The following GPC6 variants were observed in gnomAD, a reference collection of about 807,000 sequenced individuals.
The protein encoded by GPC6 is glypican-6.
Under a neutral mutation model 55.2 loss-of-function variants are expected in GPC6, and 14 were observed. That is an observed-to-expected ratio of 0.25 (90% CI 0.17 to 0.40). GPC6 has a LOEUF of 0.40. GPC6 is among the 10% of genes least tolerant of loss of function. The pLI, the probability that GPC6 is intolerant of heterozygous loss-of-function variation, is 1.00. For synonymous variants in GPC6, 278 were observed against 259.6 expected (o/e 1.07, Z -0.68); for missense variants, 641 against 708.5 (o/e 0.90, Z 1.08).
intron 2 of GPC6, among the ~76,000 whole-genome samples, chr13:93,710,555 T>A (rs1289421718): frequency 6.6e-6 from 1 of 151,778 alleles, no homozygotes; most frequent in Non-Finnish European, 1.5e-5. Context: ...AGCTTCCTCA[T>A]CTCGTCTATT....
chr13:93,340,943 A>C (rs538789126), intron 1 of GPC6, among the ~76,000 whole-genome samples: 72 of 152,102 alleles, frequency 4.7e-4, no homozygotes, highest in African/African-American at 1.6e-3. Flanking sequence ...CCCCCTTCCA[A>C]ATTTCCCCCT....
intron 3 of GPC6, among the ~76,000 whole-genome samples, chr13:93,913,916 T>G (rs763828376): frequency 6.7e-6 from 1 of 149,704 alleles, no homozygotes; most frequent in Non-Finnish European, 1.5e-5. Flanking sequence ...TGTTTCTCAG[T>G]TTTCTACTTT....
chr13:93,895,509 C>G (rs1875959481), intron 3 of GPC6, among the ~76,000 whole-genome samples: 1 of 151,626 alleles, frequency 6.6e-6, no homozygotes, highest in Non-Finnish European at 1.5e-5. Context: ...TAAAAAGAAG[C>G]AACAGAAAAT....
chr13:93,732,294 T>G (rs1429961673), intron 2 of GPC6, among the ~76,000 whole-genome samples: 1 of 152,120 alleles, frequency 6.6e-6, no homozygotes, highest in Non-Finnish European at 1.5e-5. Flanking sequence ...AGCAAGGATG[T>G]TTGCAGCTGA....
At chr13:93,347,701 G>T (rs144280893) in intron 1 of GPC6, among the ~76,000 whole-genome samples, 2,398 of 152,234 alleles carry the variant, frequency 0.016, 51 homozygotes, top group African/African-American at 0.052. Context: ...CAGCCTGCAA[G>T]CTTTGATCTT....
chr13:93,627,733 T>G (rs1879262329), intron 2 of GPC6, among the ~76,000 whole-genome samples: 1 of 152,242 alleles, frequency 6.6e-6, no homozygotes, highest in African/African-American at 2.4e-5. Context: ...TACAGTGCTG[T>G]GCATCTAGCT....
chr13:94,203,862 T>G (rs1339982216), intron 4 of GPC6, among the ~76,000 whole-genome samples: 1 of 152,198 alleles, frequency 6.6e-6, no homozygotes, highest in Non-Finnish European at 1.5e-5. Context: ...TTCTTTCATA[T>G]TTTCTGTTGC....
intron 4 of GPC6, among the ~76,000 whole-genome samples, chr13:94,204,719 T>C (rs1889851233): frequency 6.6e-6 from 1 of 152,160 alleles, no homozygotes. Flanking sequence ...CATGAGCAGG[T>C]TGGAAAAGAA....
intron 2 of GPC6, among the ~76,000 whole-genome samples, chr13:93,647,246 G>A (rs141566599): frequency 6.6e-6 from 1 of 152,182 alleles, no homozygotes; most frequent in African/African-American, 2.4e-5. Flanking sequence ...GTTATAAAAT[G>A]CATTTTATAA....
intron 2 of GPC6, among the ~76,000 whole-genome samples, chr13:93,636,438 G>A (rs1879699401): frequency 6.6e-6 from 1 of 152,214 alleles, no homozygotes; most frequent in Admixed American, 6.5e-5. Flanking sequence ...ACAAGGAACT[G>A]TCGTAGAATG....
At chr13:93,959,629 T>C (rs1483538822) in intron 3 of GPC6, among the ~76,000 whole-genome samples, 1 of 152,176 alleles carries the variant, frequency 6.6e-6, no homozygotes, top group Non-Finnish European at 1.5e-5. Context: ...AATGGATAAA[T>C]CTATCTCTAG....
chr13:93,371,260 C>T (rs1045013680), intron 1 of GPC6, among the ~76,000 whole-genome samples: 7 of 151,878 alleles, frequency 4.6e-5, no homozygotes, highest in African/African-American at 9.7e-5. Context: ...TATAGCCTTC[C>T]GGTAGGCATC....
At chr13:94,212,844 G>A (rs901990706) in intron 4 of GPC6, among the ~76,000 whole-genome samples, 1 of 152,120 alleles carries the variant, frequency 6.6e-6, no homozygotes, top group Non-Finnish European at 1.5e-5. Context: ...GCACAGATAC[G>A]TTAACTATTA....
intron 1 of GPC6, among the ~76,000 whole-genome samples, chr13:93,459,255 A>G (rs948183475): frequency 6.6e-6 from 1 of 152,154 alleles, no homozygotes; most frequent in Non-Finnish European, 1.5e-5. Context: ...TTGTAGAGCC[A>G]GGGTCTCACT....
chr13:94,190,865 T>C (rs888784310), intron 4 of GPC6, among the ~76,000 whole-genome samples: 1 of 152,162 alleles, frequency 6.6e-6, no homozygotes, highest in African/African-American at 2.4e-5. Flanking sequence ...CTCTCAAATA[T>C]TATTCTTCAG....
intron 6 of GPC6, among the ~76,000 whole-genome samples, chr13:94,312,301 A>G (rs1368579663): frequency 6.6e-6 from 1 of 152,268 alleles, no homozygotes; most frequent in Non-Finnish European, 1.5e-5. Flanking sequence ...AAGTACTTAC[A>G]AAAGATCATC....
chr13:93,758,228 A>G (rs1158867967), intron 2 of GPC6, among the ~76,000 whole-genome samples: 1 of 152,210 alleles, frequency 6.6e-6, no homozygotes, highest in Non-Finnish European at 1.5e-5. Context: ...GCTCAAAAAT[A>G]AACAAAAAGA....
intron 2 of GPC6, among the ~76,000 whole-genome samples, chr13:93,602,038 AC>A (rs1224133293): frequency 6.6e-6 from 1 of 152,140 alleles, no homozygotes; most frequent in Non-Finnish European, 1.5e-5. Flanking sequence ...CATGTGATTC[AC>A]CTATAATGGA....
chr13:94,293,176 C>T (rs1463297979), intron 5 of GPC6, among the ~76,000 whole-genome samples: 2 of 152,156 alleles, frequency 1.3e-5, no homozygotes, highest in South Asian at 2.1e-4. Context: ...TCAACAAATA[C>T]TCTACCAAGT....
Sources: allele counts gnomAD v4.1 joint callset (sites outside exome capture counted in the v4.1 genomes callset), GRCh38; gene constraint gnomAD v4.1.1; transcripts MANE v1.5; gene names NCBI Gene and HGNC (gene_info 2026-07-23, HGNC 2026-07-21).